Variants in ADI1 observed in about 807,000 individuals in gnomAD.
ADI1 encodes acireductone dioxygenase.
ADI1 carries 21 observed loss-of-function variants against 18.7 expected under a neutral mutation model. The ratio of observed to expected loss-of-function variants is 1.13; its 90% CI spans 0.80 to 1.62. The LOEUF is 1.62. Among genes scored for constraint, ADI1 ranks in the 40% most tolerant of loss-of-function variants. ADI1 has a pLI of 0.00. For synonymous variants in ADI1, 90 were observed against 100.1 expected (o/e 0.90, Z 0.60); for missense variants, 245 against 254.9 (o/e 0.96, Z 0.26).
chr2:3,507,007 CT>C (rs2103207559), intron 2 of ADI1, among the ~76,000 whole-genome samples: 1 of 152,322 alleles, frequency 6.6e-6, no homozygotes, highest in South Asian at 2.1e-4. Flanking sequence ...ATGTTGTCTA[CT>C]TTTTCCATAG....
At chr2:3,518,519 C>T (rs1667456452) in intron 1 of ADI1, among the ~76,000 whole-genome samples, 1 of 152,246 alleles carries the variant, frequency 6.6e-6, no homozygotes, top group Non-Finnish European at 1.5e-5. Context: ...GGTGCAAAGC[C>T]TAGCCCCGCC....
At chr2:3,508,110 G>A (rs2103208329) in intron 2 of ADI1, among the ~76,000 whole-genome samples, 1 of 152,026 alleles carries the variant, frequency 6.6e-6, no homozygotes, top group South Asian at 2.1e-4. Context: ...CGAGGAGGGT[G>A]GATTACGAGG....
At chr2:3,513,132 T>C (rs1231397596) in intron 2 of ADI1, among the ~76,000 whole-genome samples, 1 of 152,232 alleles carries the variant, frequency 6.6e-6, no homozygotes, top group Non-Finnish European at 1.5e-5. Context: ...CCTAATGCCT[T>C]TACCCGCTTT....
chr2:3,516,849 C>T (rs1260962289), intron 1 of ADI1: 1 of 985,232 alleles, frequency 1.0e-6, no homozygotes, highest in Non-Finnish European at 1.2e-6. Flanking sequence ...TGTGTTACCT[C>T]TGTTAAAAAT....
At chr2:3,515,604 G>C (rs1667389098) in intron 1 of ADI1, 1 of 152,270 alleles carries the variant, frequency 6.6e-6, no homozygotes, top group African/African-American at 2.4e-5. Flanking sequence ...TGTTCCCTCA[G>C]AAGCATGTGA....
intron 2 of ADI1, among the ~76,000 whole-genome samples, chr2:3,507,481 C>T (rs958598589): frequency 4.6e-5 from 7 of 151,884 alleles, no homozygotes; most frequent in African/African-American, 1.5e-4. Context: ...TACATCAGAC[C>T]GTTCCTCAGA....
At position 3,498,787 on chromosome 2, in the gene ADI1, C is replaced by T. The variant is rs943810939; in HGVS notation, c.*176G>A. Reference sequence around the variant, plus strand: ...AAATGAAGGTGACTCTTTACACTTCCAAGTTGCTTTCTAGATCCTTTCATT... The same window carrying T: ...AAATGAAGGTGACTCTTTACACTTCTAAGTTGCTTTCTAGATCCTTTCATT... On this transcript the variant is annotated 3_prime_UTR_variant, in exon 4 of 4. Transcript: ENST00000327435. 1.9e-6 allele frequency: 2 copies of T among 1,067,658 alleles called. No homozygotes were observed. The highest frequency in any genetic ancestry group is 3.2e-5 in the African/African-American group (2 of 61,862). 66.1% of individuals were successfully genotyped at this position (1,067,658 alleles called of 1,614,324 possible). A position where few individuals can be genotyped will look rare whatever the true frequency, so the allele number is the denominator to read the frequency against.
chr2:3,500,748 G>A lies in ADI1; in HGVS notation c.420+66C>T, dbSNP rs761415802. On this transcript the variant is annotated intron_variant, in intron 3 of 3. Transcript: ENST00000327435. ...GTCTGCGGAAGCCGCGCAGTTCAGC[G>A]GCAGAGATGCCACGGCCAGGGCCAC... is the stretch of plus-strand genomic sequence containing the variant. 1.9e-5 allele frequency: 31 copies of A among 1,607,578 alleles called. No individual in the cohort carries two copies. In the East Asian group the frequency reaches 2.2e-4, roughly 12 times the overall value.
chr2:3,510,573 A>AC (rs2103210226), intron 2 of ADI1, among the ~76,000 whole-genome samples: 1 of 152,362 alleles, frequency 6.6e-6, no homozygotes, highest in African/African-American at 2.4e-5. Flanking sequence ...GAGAAAAAAC[A>AC]CAAATTATCA....
chr2:3,500,315 C>A (rs138051209), intron 3 of ADI1, among the ~76,000 whole-genome samples: 3 of 146,904 alleles, frequency 2.0e-5, no homozygotes, highest in Non-Finnish European at 4.5e-5. Context: ...TCCAGTGAAC[C>A]CCAAAACTAC....
intron 1 of ADI1, 129 bp from the exon 2 acceptor site, chr2:3,514,105 T>A: frequency 8.8e-7 from 1 of 1,141,474 alleles, no homozygotes; most frequent in Non-Finnish European, 1.2e-6. Context: ...AACCCTCAAC[T>A]AACTCTCTTC....
At chr2:3,518,684 T>C (rs535615174) in intron 1 of ADI1, among the ~76,000 whole-genome samples, 1 of 147,476 alleles carries the variant, frequency 6.8e-6, no homozygotes, top group Non-Finnish European at 1.5e-5. Context: ...CTCGATCTGC[T>C]GGCGCCCGGT....
intron 2 of ADI1, among the ~76,000 whole-genome samples, chr2:3,512,113 G>A (rs147603839): frequency 6.6e-6 from 1 of 152,348 alleles, no homozygotes; most frequent in African/African-American, 2.4e-5. Context: ...GAAAAGTTTG[G>A]AAAATTTGCA....
At chr2:3,505,853 G>A (rs1667164409) in intron 2 of ADI1, among the ~76,000 whole-genome samples, 1 of 152,152 alleles carries the variant, frequency 6.6e-6, no homozygotes, top group Non-Finnish European at 1.5e-5. Flanking sequence ...TGGGATTAGT[G>A]TCCTTATAAA....
chr2:3,511,841 G>T (rs1255598135), intron 2 of ADI1, among the ~76,000 whole-genome samples: 1 of 152,222 alleles, frequency 6.6e-6, no homozygotes, highest in African/African-American at 2.4e-5. Flanking sequence ...TGAGGTCTCA[G>T]ATGGAAATGA....
chr2:3,511,610 C>A (rs896390239), intron 2 of ADI1, among the ~76,000 whole-genome samples: 33 of 152,106 alleles, frequency 2.2e-4, no homozygotes, highest in African/African-American at 7.7e-4. Context: ...GCAAGAACAA[C>A]CTAATACAGA....
intron 3 of ADI1, 89 bp from the exon 4 acceptor site, chr2:3,499,171 A>C: frequency 6.6e-7 from 1 of 1,511,584 alleles, no homozygotes; most frequent in African/African-American, 1.4e-5. Context: ...GTTAACATTA[A>C]TTGCTATAAA....
intron 2 of ADI1, among the ~76,000 whole-genome samples, chr2:3,504,170 C>T (rs923665290): frequency 6.6e-6 from 1 of 152,216 alleles, no homozygotes; most frequent in Non-Finnish European, 1.5e-5. Context: ...TTGACATCAG[C>T]AGTGAGGGGC....
rs190293478 is a variant in ADI1, at chr2:3,511,150, C to A, written c.240+2707G>T. 1.7e-3 allele frequency among the ~76,000 whole-genome samples: 256 copies of A among 152,264 alleles called. 4 individuals are homozygous for A. The highest frequency in any genetic ancestry group is 0.017 in the Admixed American group (256 of 15,298). On this transcript the variant is annotated intron_variant, in intron 2 of 3. Coordinates refer to ENST00000327435, the MANE Select transcript of ADI1 (RefSeq NM_018269.4). ...GTGAGTGACTTCTCACAAGATCTGG[C>A]TATTTAAAACTGGGTGGCACTTCAT...
Sources: gnomAD v4.1 joint callset for allele counts (sites outside exome capture counted in the v4.1 genomes callset) on GRCh38, gnomAD v4.1.1 for gene constraint, MANE v1.5 for transcripts, NCBI Gene and HGNC (gene_info 2026-07-23, HGNC 2026-07-21) for gene names.